Variants in CCHCR1 observed in about 807,000 individuals in gnomAD.
CCHCR1 encodes coiled-coil alpha-helical rod protein 1.
A neutral mutation model predicts 114.6 loss-of-function variants in CCHCR1; 91 were observed. The ratio of observed to expected loss-of-function variants is 0.79; its 90% confidence interval spans 0.67 to 0.94. CCHCR1 has a LOEUF of 0.94. CCHCR1 is among the 40% of genes least tolerant of loss of function. CCHCR1 has a pLI of 0.00. For synonymous variants in CCHCR1, 379 were observed against 428.5 expected (o/e 0.88, Z 1.43); for missense variants, 899 against 1,079.9 (o/e 0.83, Z 2.35).
chr6:31,154,664 T>C lies in CCHCR1; in HGVS notation c.633A>G (p.Leu211=), dbSNP rs147979751. 4.9e-4 allele frequency: 792 copies of C among 1,611,988 alleles called. 1 individual carries two copies. The highest frequency in any genetic ancestry group is 1.7e-3 in the Admixed American group (100 of 60,030). The change falls in exon 4 of 18, where the codon CTA becomes CTG. Residue 211 remains leucine (L), a synonymous_variant. Coordinates refer to ENST00000396268, the MANE Select transcript of CCHCR1 (RefSeq NM_001105564.2). This position sits in a 1 kb window ranked among gnomAD's most constrained non-coding sequence, Gnocchi z 4.1. The part of the protein sequence containing the change: ...RETSLQQKMR[L]EAQAMELEAL... ...CCTCTAGCTCCATGGCCTGGGCCTCTAGCCTCATCTTCTGCTGCAGCGAGG... is the reference window on the plus strand; with the variant it reads ...CCTCTAGCTCCATGGCCTGGGCCTCCAGCCTCATCTTCTGCTGCAGCGAGG...
rs576053345 is a variant in CCHCR1, at chr6:31,148,887, C to T, written c.1363-159G>A. Reference sequence around the variant, plus strand: ...GGGGGTGGGTTGCAGCACGGTGGCTCACACCTGTAATCCCAGCACTTTGGG... The same window carrying T: ...GGGGGTGGGTTGCAGCACGGTGGCTTACACCTGTAATCCCAGCACTTTGGG... On this transcript the variant is annotated intron_variant, in intron 8 of 17. Coordinates refer to ENST00000396268, the MANE Select transcript of CCHCR1 (RefSeq NM_001105564.2). Among the ~76,000 whole-genome samples the T allele has an allele frequency of 4.0e-5, 6 of 151,894 alleles. No individual in the cohort carries two copies. The East Asian group carries it at 9.7e-4, about 25-fold the overall frequency.
chr6:31,156,839 G>C lies in CCHCR1; in HGVS notation c.389C>G (p.Pro130Arg). The change falls in exon 3 of 18, where the codon CCA (proline) becomes CGA (arginine). Residue 130 changes from proline to arginine, a missense_variant. Pro to Arg is a moderately radical substitution (Grantham distance 103, BLOSUM62 -2). Transcript: ENST00000396268. ...WLSDIPLVQP[P>R]GHQDVSERRL... ...CCTCTCTGAGACATCTTGATGGCCT[G>C]GGGGTTGGACCAGGGGAATGTCTGA... The C allele has an allele frequency of 1.9e-6, 3 of 1,612,950 alleles. No homozygotes were observed. Among genetic ancestry groups the C allele is most frequent in the South Asian group, 2.2e-5 (2 of 91,076 alleles).
intron 1 of CCHCR1, 117 bp downstream of exon 1, chr6:31,157,268 C>T (rs938852869): frequency 9.5e-7 from 1 of 1,047,372 alleles, no homozygotes; most frequent in Non-Finnish European, 1.4e-6. Context: ...TTGTCTCAAC[C>T]TGGTTCCTCA....
Position 31,144,714 on chromosome 6 carries a change from C to T in CCHCR1, c.2140G>A (p.Glu714Lys), listed in dbSNP as rs1232565572. Residue 714 changes from glutamate to lysine, a missense_variant, in exon 15 of 18, where the codon GAG becomes AAG. By Grantham distance (56) the Glu-to-Lys change is moderately conservative (BLOSUM62 1). Transcript: ENST00000396268. The surrounding 1 kb of genome is among the most constrained non-coding windows in gnomAD (Gnocchi z 4.6). ...GCCTTGGCATGCTCCCTCCGAGCCT[C>T]GTTCAGCCTCCTCTCTGTGTCTGAG... ...QLSDTERRLN[E>K]ARREHAKAVV... is the part of the protein sequence containing the mutation. The T allele has an allele frequency of 1.2e-5, 19 of 1,612,562 alleles. No individual in the cohort carries two copies. The highest frequency in any genetic ancestry group is 1.5e-5 in the Non-Finnish European group (18 of 1,179,056).
rs953503187 is a variant in CCHCR1, at chr6:31,144,491, G to A, written c.2167+196C>T. ...ATTACAGGCATAAGCCACCGCGACC[G>A]GCCATATGCTGTTTCTTAATCTGGT... On this transcript the variant is annotated intron_variant, in intron 15 of 17. Coordinates refer to ENST00000396268, the MANE Select transcript of CCHCR1 (RefSeq NM_001105564.2). This position sits in a 1 kb window ranked among gnomAD's most constrained non-coding sequence, Gnocchi z 4.6. 1.3e-5 allele frequency: 7 copies of A among 530,902 alleles called. No homozygotes were observed. Among genetic ancestry groups the A allele is most frequent in the South Asian group, 9.6e-5 (3 of 31,174 alleles). The allele number at this position is 530,902 out of a possible 1,614,324, so 32.9% of individuals were successfully genotyped here.
chr6:31,154,625 C>T lies in CCHCR1; in HGVS notation c.672G>A (p.Ala224=), dbSNP rs138702605. The T allele has an allele frequency of 5.3e-5, 86 of 1,612,780 alleles. No individual in the cohort carries two copies. The Admixed American group carries it at 9.7e-4, about 18-fold the overall frequency. The change falls in exon 4 of 18, where the codon GCG becomes GCA. Residue 224 remains alanine, a synonymous_variant. Coordinates refer to ENST00000396268, the MANE Select transcript of CCHCR1 (RefSeq NM_001105564.2). The surrounding 1 kb of genome is among the most constrained non-coding windows in gnomAD (Gnocchi z 4.1). ...QAMELEALAR[A]EKAGRAEAEG... is the part of the protein sequence containing the mutation. ...CAGCCTCAGCTCGGCCGGCCTTCTC[C>T]GCCCGTGCCAGAGCCTCTAGCTCCA...
At position 31,143,931 on chromosome 6, in the gene CCHCR1, C is replaced by T. The variant is rs1241524857; in HGVS notation, c.2168-518G>A. 1.3e-5 allele frequency among the ~76,000 whole-genome samples: 2 copies of T among 152,006 alleles called. No individual in the cohort carries two copies. The highest frequency in any genetic ancestry group is 6.6e-5 in the Admixed American group (1 of 15,258). ...AAAACTAGCTGGGCATGGTGGTGGG[C>T]GCCTGTAATCCCAGCTACTTGGGAG... On this transcript the variant is annotated intron_variant, in intron 15 of 17. Transcript: ENST00000396268. This position sits in a 1 kb window ranked among gnomAD's most constrained non-coding sequence, Gnocchi z 5.3.
Position 31,143,369 on chromosome 6 carries a change from C to T in CCHCR1, c.2212G>A (p.Glu738Lys). The T allele has an allele frequency of 4.3e-6, 7 of 1,612,990 alleles. No homozygotes were observed. Among genetic ancestry groups the T allele is most frequent in the Non-Finnish European group, 5.9e-6 (7 of 1,180,032 alleles). Residue 738 changes from glutamate to lysine, a missense_variant, in exon 16 of 18, where the codon GAG becomes AAG. Transcript: ENST00000396268. The surrounding 1 kb of genome is among the most constrained non-coding windows in gnomAD (Gnocchi z 5.3). ...AGACGCCTGAGTTCCTGGCTCCGCT[C>T]CTTTTCCTGGGCGGCTCTGCGCTGA... ...QIQRRAAQEK[E>K]RSQELRRLQE...
Position 31,150,951 on chromosome 6 carries a change from C to T in CCHCR1, c.965+8G>A, listed in dbSNP as rs1366269054. ...TTGCTGGGCTCCCGTCGGCGTCCGC[C>T]CACCTACCTCAGCTGCTTCCGAAGC... On this transcript the variant is annotated splice_region_variant and intron_variant, in intron 5 of 17. Coordinates refer to ENST00000396268, the MANE Select transcript of CCHCR1 (RefSeq NM_001105564.2). The surrounding 1 kb of genome is among the most constrained non-coding windows in gnomAD (Gnocchi z 5.3). The T allele has an allele frequency of 3.1e-6, 5 of 1,612,464 alleles. No individual in the cohort carries two copies. In the Admixed American group the frequency reaches 8.3e-5, roughly 27 times the overall value.
Position 31,151,469 on chromosome 6 carries a change from T to C in CCHCR1, c.802-347A>G, listed in dbSNP as rs1047766884. Among the ~76,000 whole-genome samples, 17 of 152,222 alleles carry C rather than the reference T, an allele frequency of 1.1e-4. No homozygotes were observed. The highest frequency in any genetic ancestry group is 4.1e-4 in the African/African-American group (17 of 41,464). ...CAAAACCCAGGTGTCTCTCCACACC[T>C]GCAGGCCAGGGGACCCGGCCTCTGC... is the stretch of plus-strand genomic sequence containing the variant. On this transcript the variant is annotated intron_variant, in intron 4 of 17. Transcript: ENST00000396268. The surrounding 1 kb of genome is among the most constrained non-coding windows in gnomAD (Gnocchi z 4.1).
chr6:31,144,458 G>T lies in CCHCR1; in HGVS notation c.2167+229C>A. The T allele has an allele frequency of 4.3e-6, 2 of 466,642 alleles. No homozygotes were observed. The highest frequency in any genetic ancestry group is 7.5e-6 in the Non-Finnish European group (2 of 265,728). The allele number at this position is 466,642 out of a possible 1,614,324, so 28.9% of individuals were successfully genotyped here. A position where few individuals can be genotyped will look rare whatever the true frequency, so the allele number is the denominator to read the frequency against. ...GATACACCCACCTCGGCCTCCCAAA[G>T]TGCTTGGATTACAGGCATAAGCCAC... On this transcript the variant is annotated intron_variant, in intron 15 of 17. Transcript: ENST00000396268. This position sits in a 1 kb window ranked among gnomAD's most constrained non-coding sequence, Gnocchi z 4.6.
chr6:31,150,290 CT>C lies in CCHCR1; in HGVS notation c.1213-76del. 1 of 1,526,374 alleles carries C rather than the reference CT, an allele frequency of 6.6e-7. No homozygotes were observed. The highest frequency in any genetic ancestry group is 1.2e-5 in the South Asian group (1 of 86,724). 94.6% of individuals were successfully genotyped at this position (1,526,374 alleles called of 1,614,324 possible). Reference sequence around the variant, plus strand: ...GAAGGAGGTGGCATCTTTGTTTCTCCTCTGTCCTGCCTGGGCAACATGAGCT... The same window carrying C: ...GAAGGAGGTGGCATCTTTGTTTCTCCCTGTCCTGCCTGGGCAACATGAGCT... On this transcript the variant is annotated intron_variant, in intron 7 of 17. Transcript: ENST00000396268. This position sits in a 1 kb window ranked among gnomAD's most constrained non-coding sequence, Gnocchi z 5.3.
Position 31,142,458 on chromosome 6 carries a change from A to T in CCHCR1, c.*134T>A. 1.4e-6 allele frequency: 1 copy of T among 725,122 alleles called. No homozygotes were observed. The highest frequency in any genetic ancestry group is 2.3e-6 in the Non-Finnish European group (1 of 439,974). 44.9% of individuals were successfully genotyped at this position (725,122 alleles called of 1,614,324 possible). A position where few individuals can be genotyped will look rare whatever the true frequency, so the allele number is the denominator to read the frequency against. Reference sequence around the variant, plus strand: ...AATGGCTCCTTCTGTAGTCGTCTTTATTTAGAGCAGAATTCAGACTCAGCT... The same window carrying T: ...AATGGCTCCTTCTGTAGTCGTCTTTTTTTAGAGCAGAATTCAGACTCAGCT... On this transcript the variant is annotated 3_prime_UTR_variant, in exon 18 of 18. Transcript: ENST00000396268.
Position 31,154,791 on chromosome 6 carries a change from C to A in CCHCR1, c.506G>T (p.Gly169Val), listed in dbSNP as rs1283100832. Residue 169 changes from glycine (G) to valine (V), a missense_variant, in exon 4 of 18, where the codon GGG becomes GTG. Physicochemically the swap from Gly to Val is moderately radical, Grantham distance 109. Transcript: ENST00000396268. The surrounding 1 kb of genome is among the most constrained non-coding windows in gnomAD (Gnocchi z 4.1). ...GCTCAGGGCCTGTGACCCCTCCAGC[C>A]CCCAGGACCTTCAAAGACAGGTTAG... ...QEPGRRGRSW[G>V]LEGSQALSQQ... The A allele has an allele frequency of 4.4e-6, 7 of 1,601,780 alleles. No individual in the cohort carries two copies. The highest frequency in any genetic ancestry group is 1.1e-5 in the South Asian group (1 of 90,912).
At position 31,148,858 on chromosome 6, in the gene CCHCR1, C is replaced by CT; in HGVS notation, c.1363-131_1363-130insA. Reference sequence around the variant, plus strand: ...AGGGGCTGGGGGGAGGGGGGGCGGGCGACGGGGGTGGGTTGCAGCACGGTG... The same window carrying CT: ...AGGGGCTGGGGGGAGGGGGGGCGGGCTGACGGGGGTGGGTTGCAGCACGGTG... On this transcript the variant is annotated intron_variant, in intron 8 of 17. Transcript: ENST00000396268. The CT allele has an allele frequency of 1.1e-5, 2 of 175,124 alleles. 1 individual carries two copies. The highest frequency in any genetic ancestry group is 2.0e-5 in the Non-Finnish European group (2 of 99,810). 10.8% of individuals were successfully genotyped at this position (175,124 alleles called of 1,614,324 possible). A position where few individuals can be genotyped will look rare whatever the true frequency, so the allele number is the denominator to read the frequency against.
At position 31,145,030 on chromosome 6, in the gene CCHCR1, C is replaced by T; in HGVS notation, c.1920G>A (p.Leu640=). Residue 640 remains leucine (L), a synonymous_variant, in exon 14 of 18, where the codon CTG becomes CTA. Coordinates refer to ENST00000396268, the MANE Select transcript of CCHCR1 (RefSeq NM_001105564.2). ...RQQLSKVAQQ[L]EQELQQTQES... The stretch of plus-strand genomic sequence containing the variant: ...CCTGGGTCTGCTGCAGCTCCTGCTC[C>T]AGCTGCTGGGCCACCTTGCTCAGCT... 3 of 1,604,444 alleles carry T rather than the reference C, an allele frequency of 1.9e-6. No individual in the cohort carries two copies. The highest frequency in any genetic ancestry group is 2.5e-6 in the Non-Finnish European group (3 of 1,179,218).
At position 31,142,993 on chromosome 6, in the gene CCHCR1, C is replaced by T. The variant is rs1195306985; in HGVS notation, c.2461G>A (p.Ala821Thr). 9.9e-6 allele frequency: 16 copies of T among 1,612,866 alleles called. No individual in the cohort carries two copies. Among genetic ancestry groups the T allele is most frequent in the African/African-American group, 1.3e-5 (1 of 74,942 alleles). The change falls in exon 17 of 18, where the codon GCA (alanine) becomes ACA (threonine). Residue 821 changes from alanine (A) to threonine (T), a missense_variant. By Grantham distance (58) the Ala-to-Thr change is moderately conservative. Transcript: ENST00000396268. ...ATGGACTCCCTGGTGGGCACTGCTG[C>T]TGCTACAGGTGCAGATGCTGAACAC... ...PECSASAPVA[A>T]AVPTRESIKG...
rs768542461 is a variant in CCHCR1, at chr6:31,144,625, T to C, written c.2167+62A>G. On this transcript the variant is annotated intron_variant, in intron 15 of 17. Coordinates refer to ENST00000396268, the MANE Select transcript of CCHCR1 (RefSeq NM_001105564.2). This position sits in a 1 kb window ranked among gnomAD's most constrained non-coding sequence, Gnocchi z 4.6. ...TGAACACACTTTGAGGGGAAAATAA[T>C]AACCTTATGTCTTAACACTTCCTTC... The C allele has an allele frequency of 5.7e-6, 6 of 1,056,332 alleles. No individual in the cohort carries two copies. Among genetic ancestry groups the C allele is most frequent in the Non-Finnish European group, 7.1e-6 (5 of 708,378 alleles). 65.4% of individuals were successfully genotyped at this position (1,056,332 alleles called of 1,614,324 possible). A position where few individuals can be genotyped will look rare whatever the true frequency, so the allele number is the denominator to read the frequency against.
At position 31,154,907 on chromosome 6, in the gene CCHCR1, T is replaced by C; in HGVS notation, c.498-108A>G. The C allele has an allele frequency of 9.5e-7, 1 of 1,057,206 alleles. No homozygotes were observed. Among genetic ancestry groups the C allele is most frequent in the Non-Finnish European group, 1.3e-6 (1 of 751,892 alleles). 65.5% of individuals were successfully genotyped at this position (1,057,206 alleles called of 1,614,324 possible). On this transcript the variant is annotated intron_variant, in intron 3 of 17. Transcript: ENST00000396268. This position sits in a 1 kb window ranked among gnomAD's most constrained non-coding sequence, Gnocchi z 4.1. ...AAAAGAGGACCCCTCTGCTTCCGTG[T>C]GGGGAGGTGAAGGGGGTGCTGAAGC...
Sources: gnomAD v4.1 joint callset for allele counts (sites outside exome capture counted in the v4.1 genomes callset) on GRCh38, gnomAD v4.1.1 for gene constraint, Gnocchi (gnomAD v3.1) non-coding constraint, MANE v1.5 for transcripts, NCBI Gene and HGNC (gene_info 2026-07-23, HGNC 2026-07-21) for gene names.